Variants in NEB observed in about 807,000 individuals in gnomAD.
NEB encodes nebulin.
In NEB, 512 loss-of-function variants were observed where a neutral mutation model predicts 952.2. That is an observed-to-expected ratio of 0.54 (90% CI 0.50 to 0.58). The LOEUF is 0.58. Ranked by LOEUF, NEB falls within the 20% of genes least tolerant of loss-of-function variation. The pLI is 0.00. For missense variants in NEB, 8,428 were observed against 9,231.1 expected (o/e 0.91, Z 3.56); for synonymous variants, 2,900 against 3,149.8 (o/e 0.92, Z 2.66).
At chr2:151,694,498 T>C (rs1398700214) in intron 19 of NEB, 24 bp downstream of exon 19, 1 of 1,613,660 alleles carries the variant, frequency 6.2e-7, no homozygotes, top group Admixed American at 1.7e-5. Flanking sequence ...AGCCAGCCTG[T>C]CCAGGTCCCC....
intron 63 of NEB, among the ~76,000 whole-genome samples, chr2:151,637,978 T>G (rs1436306683): frequency 6.6e-6 from 1 of 152,242 alleles, no homozygotes; most frequent in East Asian, 1.9e-4. Context: ...ATATTTTCCT[T>G]GCTGGTGGCA....
Position 151,512,721 on chromosome 2 carries a change from G to A in NEB, c.23346+12C>T, listed in dbSNP as rs1431525608. On this transcript the variant is annotated intron_variant, in intron 161 of 181. Coordinates refer to ENST00000397345, the MANE Select transcript of NEB (RefSeq NM_001164508.2). ...TGGGGTTTATGAGTGATGGCATGAC[G>A]AATGTCCTTACCTGGCTTGAAAGAT... is the stretch of plus-strand genomic sequence containing the variant. 2.5e-6 allele frequency: 4 copies of A among 1,589,634 alleles called. No individual in the cohort carries two copies. Among genetic ancestry groups the A allele is most frequent in the African/African-American group, 1.3e-5 (1 of 74,408 alleles).
At position 151,633,729 on chromosome 2, in the gene NEB, G is replaced by A. The variant is rs2154080863; in HGVS notation, c.9339C>T (p.Tyr3113=). Residue 3113 remains tyrosine, a synonymous_variant, in exon 65 of 182, where the codon TAC becomes TAT. Transcript: ENST00000397345. ...TLVSDVDYKN[Y]LHEWTCLPDQ... ...CAGGCAGGCATGTCCACTCGTGCAG[G>A]TAGTTCTTATAGTCCACGTCACTGA... 1.2e-6 allele frequency: 2 copies of A among 1,613,982 alleles called. No individual in the cohort carries two copies. Among genetic ancestry groups the A allele is most frequent in the Non-Finnish European group, 1.7e-6 (2 of 1,179,892 alleles).
intron 54 of NEB, among the ~76,000 whole-genome samples, chr2:151,648,729 A>G (rs1217135371): frequency 2.0e-5 from 3 of 152,208 alleles, no homozygotes; most frequent in African/African-American, 7.2e-5. Context: ...ATATTTCTAG[A>G]TGTTGCTAAA....
At chr2:151,682,435 C>A (rs776595746) in intron 29 of NEB, among the ~76,000 whole-genome samples, 5 of 152,012 alleles carry the variant, frequency 3.3e-5, no homozygotes, top group Non-Finnish European at 5.9e-5. Context: ...ACAAGTTATA[C>A]CTTAATAAAA....
intron 44 of NEB, 78 bp downstream of exon 44, chr2:151,664,423 C>T: frequency 9.1e-7 from 1 of 1,093,722 alleles, no homozygotes; most frequent in Non-Finnish European, 1.3e-6. Context: ...GAGCTGACCA[C>T]TGCTCCTACA....
rs532345972 is a variant in NEB, at chr2:151,497,120, T to C, written c.24301-87A>G. The C allele has an allele frequency of 3.5e-5, 51 of 1,456,112 alleles. No homozygotes were observed. In the African/African-American group the frequency reaches 7.0e-4, roughly 20 times the overall value. 90.2% of individuals were successfully genotyped at this position (1,456,112 alleles called of 1,614,324 possible). A position where few individuals can be genotyped will look rare whatever the true frequency, so the allele number is the denominator to read the frequency against. On this transcript the variant is annotated intron_variant, in intron 171 of 181. Coordinates refer to ENST00000397345, the MANE Select transcript of NEB (RefSeq NM_001164508.2). ...TTTAAGGGTAAGGTCAGCTTCCTTG[T>C]TAAGACAAAACACAGTTGTCCAAGG...
chr2:151,544,015 C>A (rs890734616), intron 135 of NEB, among the ~76,000 whole-genome samples: 1 of 152,204 alleles, frequency 6.6e-6, no homozygotes, highest in African/African-American at 2.4e-5. Flanking sequence ...AACCCTCCCC[C>A]GCTCTCCATG....
rs541979214 is a variant in NEB at position 151,619,217 on chromosome 2, G to C, written c.10872+234C>G. ...CAAACAAAGGAAGCCTGAATCCCTA[G>C]GAAGATTTATACCTGTTTAGAACTG... On this transcript the variant is annotated intron_variant, in intron 73 of 181. Transcript: ENST00000397345. Among the ~76,000 whole-genome samples the C allele has an allele frequency of 3.7e-4, 56 of 152,234 alleles. No individual in the cohort carries two copies. The South Asian group carries it at 0.011, about 30-fold the overall frequency.
chr2:151,721,523 C>T (rs1343755600), intron 9 of NEB, among the ~76,000 whole-genome samples: 1 of 152,196 alleles, frequency 6.6e-6, no homozygotes, highest in Non-Finnish European at 1.5e-5. Flanking sequence ...TCCACATGGC[C>T]TTCTCTGATT....
chr2:151,669,087 A>G lies in NEB; in HGVS notation c.4551T>C (p.Thr1517=). 6.3e-7 allele frequency: 1 copy of G among 1,593,758 alleles called. No individual in the cohort carries two copies. The highest frequency in any genetic ancestry group is 2.2e-5 in the East Asian group (1 of 44,466). Residue 1517 remains threonine (T), a synonymous_variant, in exon 39 of 182, where the codon ACT becomes ACC. Transcript: ENST00000397345. The stretch of plus-strand genomic sequence containing the variant: ...TAAACTGAGGCAATTCAGGGTCAAT[A>G]GTATACTTGTGCTTCAGTTTCTCTC... ...VEGEKLKHKY[T]IDPELPQFIQ...
In NEB at chr2:151,694,531, G is replaced by A; in HGVS notation, c.1773C>T (p.Asn591=). The part of the protein sequence containing the change: ...PLLAAKANTK[N]TSDVMYKKDY... Reference sequence around the variant, plus strand: ...CCCAGGCCACACTCACATCGCTGGTGTTCTTGGTGTTGGCTTTGGCTGCCA... The same window carrying A: ...CCCAGGCCACACTCACATCGCTGGTATTCTTGGTGTTGGCTTTGGCTGCCA... The change falls in exon 19 of 182, where the codon AAC becomes AAT. Residue 591 remains asparagine (N), a synonymous_variant. Transcript: ENST00000397345. The A allele has an allele frequency of 1.9e-6, 3 of 1,613,440 alleles. No individual in the cohort carries two copies. The highest frequency in any genetic ancestry group is 1.1e-5 in the South Asian group (1 of 91,058).
intron 25 of NEB, 68 bp from the exon 26 acceptor site, chr2:151,687,801 A>T: frequency 2.8e-6 from 4 of 1,420,424 alleles, no homozygotes; most frequent in Non-Finnish European, 9.7e-7. Flanking sequence ...AAATAAAAAC[A>T]TATTGAAAAT....
intron 145 of NEB, chr2:151,530,790 G>A (rs2090273662): frequency 9.5e-6 from 4 of 421,098 alleles, no homozygotes; most frequent in East Asian, 7.3e-5. Flanking sequence ...AGCCCCAGGT[G>A]TCTGCCAGCA....
At chr2:151,668,332 G>A (rs2099245619) in intron 39 of NEB, among the ~76,000 whole-genome samples, 2 of 152,124 alleles carry the variant, frequency 1.3e-5, no homozygotes, top group Admixed American at 6.5e-5. Context: ...AAATCCAGAT[G>A]TAGTACAACT....
At chr2:151,550,192 A>G (rs2095201590) in intron 129 of NEB, among the ~76,000 whole-genome samples, 1 of 143,972 alleles carries the variant, frequency 6.9e-6, no homozygotes, top group Non-Finnish European at 1.5e-5. Flanking sequence ...ACTTGAGCCC[A>G]GGAATTTGAG....
chr2:151,716,231 C>T (rs961218515), intron 10 of NEB: 22 of 355,898 alleles, frequency 6.2e-5, no homozygotes, highest in Admixed American at 1.5e-4. Context: ...CTCCGCTTCC[C>T]GGGATCAAGT....
intron 37 of NEB, 107 bp from the exon 38 acceptor site, chr2:151,671,336 T>C: frequency 1.2e-6 from 1 of 868,258 alleles, no homozygotes; most frequent in Non-Finnish European, 1.8e-6. Context: ...CTCTTCAGCA[T>C]GCTCATGTCT....
chr2:151,634,033 C>T, intron 64 of NEB, 68 bp from the exon 65 acceptor site: 2 of 1,509,734 alleles, frequency 1.3e-6, no homozygotes, highest in Non-Finnish European at 1.8e-6. Flanking sequence ...TGTGCAAAAT[C>T]AACTTGCTTA....
Sources: gnomAD v4.1 joint callset for allele counts (sites outside exome capture counted in the v4.1 genomes callset) on GRCh38, gnomAD v4.1.1 for gene constraint, MANE v1.5 for transcripts, NCBI Gene and HGNC (gene_info 2026-07-23, HGNC 2026-07-21) for gene names.